Variants in PLXNA4 observed in about 807,000 individuals in gnomAD.
PLXNA4 encodes plexin-A4.
A neutral mutation model predicts 191.8 loss-of-function variants in PLXNA4; 44 were observed. The ratio of observed to expected loss-of-function variants is 0.23; its 90% confidence interval spans 0.18 to 0.29. The LOEUF is 0.29. Among genes scored for constraint, PLXNA4 ranks in the 10% least tolerant of loss-of-function variants. The probability of loss-of-function intolerance (pLI) is 1.00; values close to 1 mark genes in which losing one functional copy is unlikely to be tolerated. For synonymous variants in PLXNA4, 1,082 were observed against 1,009.5 expected (o/e 1.07, Z -1.36); for missense variants, 1,800 against 2,488.8 (o/e 0.72, Z 5.89).
At chr7:132,275,678 C>A (rs942840577) in intron 4 of PLXNA4, among the ~76,000 whole-genome samples, 1 of 152,114 alleles carries the variant, frequency 6.6e-6, no homozygotes. Flanking sequence ...TGCATGCCTC[C>A]CTGATTGCTG....
At chr7:132,521,326 C>T (rs996429978) in intron 1 of PLXNA4, among the ~76,000 whole-genome samples, 1 of 151,948 alleles carries the variant, frequency 6.6e-6, no homozygotes, top group African/African-American at 2.4e-5. Flanking sequence ...CATGACAACA[C>T]TAAATTTAAG....
intron 4 of PLXNA4, among the ~76,000 whole-genome samples, chr7:132,258,804 G>A (rs977682119): frequency 2.6e-5 from 4 of 152,210 alleles, no homozygotes; most frequent in African/African-American, 9.6e-5. Flanking sequence ...GAATCCCAGA[G>A]TTGGGTAAAA....
intron 4 of PLXNA4, among the ~76,000 whole-genome samples, chr7:132,294,138 C>G (rs1437398254): frequency 6.6e-6 from 1 of 152,038 alleles, no homozygotes; most frequent in Non-Finnish European, 1.5e-5. Flanking sequence ...AAAATAGAGC[C>G]AGGAGAGGAG....
At position 132,168,348 on chromosome 7, in the gene PLXNA4, G is replaced by A. The variant is rs758085427; in HGVS notation, c.4242C>T (p.Asp1414=). The A allele has an allele frequency of 6.2e-7, 1 of 1,601,370 alleles. No individual in the cohort carries two copies. The highest frequency in any genetic ancestry group is 1.3e-5 in the African/African-American group (1 of 74,766). ...GGTGGTTCTTGCTCTCCAGGTTCTTGTCAATGAGGTCGGCCAGCAGCTGCT... is the reference window on the plus strand; with the variant it reads ...GGTGGTTCTTGCTCTCCAGGTTCTTATCAATGAGGTCGGCCAGCAGCTGCT... ...VLKQLLADLI[D]KNLESKNHPK... Residue 1414 remains aspartate (D), a synonymous_variant, in exon 22 of 32, where the codon GAC becomes GAT. Transcript: ENST00000321063.
intron 2 of PLXNA4, among the ~76,000 whole-genome samples, chr7:132,492,698 A>G (rs1320777122): frequency 6.6e-6 from 1 of 152,064 alleles, no homozygotes; most frequent in African/African-American, 2.4e-5. Context: ...TGGAAAAATC[A>G]CAGGACTTGG....
chr7:132,351,330 T>C (rs1803474842), intron 3 of PLXNA4, among the ~76,000 whole-genome samples: 1 of 152,268 alleles, frequency 6.6e-6, no homozygotes, highest in East Asian at 1.9e-4. Flanking sequence ...TAAAGCTGTT[T>C]TTTAAGAGTA....
Position 132,384,468 on chromosome 7 carries a change from T to C in PLXNA4, c.1372-86246A>G, listed in dbSNP as rs1345942706. The C allele has an allele frequency of 4.1e-6, 4 of 985,688 alleles. No homozygotes were observed. The African/African-American group carries it at 7.0e-5, about 17-fold the overall frequency. The allele number at this position is 985,688 out of a possible 1,614,324, so 61.1% of individuals were successfully genotyped here. ...ATGGAATTGTGCTGGATAGTGGCCA[T>C]GCAGGAGACACTGCTCACGCTTTGT... On this transcript the variant is annotated intron_variant, in intron 3 of 31. Transcript: ENST00000321063.
intron 21 of PLXNA4, among the ~76,000 whole-genome samples, chr7:132,174,416 C>T (rs1796389131): frequency 6.6e-6 from 1 of 152,188 alleles, no homozygotes; most frequent in African/African-American, 2.4e-5. Flanking sequence ...AGTCAAATCC[C>T]CTACTTCATG....
intron 3 of PLXNA4, among the ~76,000 whole-genome samples, chr7:132,474,268 C>G (rs1238116988): frequency 7.0e-6 from 1 of 142,030 alleles, no homozygotes; most frequent in Non-Finnish European, 1.5e-5. Flanking sequence ...ATGCACACAC[C>G]AGCTGCAGCA....
At chr7:132,375,856 T>A (rs180764966) in intron 3 of PLXNA4, among the ~76,000 whole-genome samples, 1 of 152,222 alleles carries the variant, frequency 6.6e-6, no homozygotes, top group East Asian at 1.9e-4. Context: ...CATGAAGAAC[T>A]AAGTGAGGGA....
chr7:132,302,326 G>C (rs1801338317), intron 3 of PLXNA4, among the ~76,000 whole-genome samples: 1 of 152,136 alleles, frequency 6.6e-6, no homozygotes, highest in Non-Finnish European at 1.5e-5. Context: ...CTCTGCAGGG[G>C]CTGACAGTTG....
intron 2 of PLXNA4, among the ~76,000 whole-genome samples, chr7:132,618,025 C>A (rs926827217): frequency 6.6e-6 from 1 of 152,168 alleles, no homozygotes; most frequent in African/African-American, 2.4e-5. Flanking sequence ...AGCAGGAAGG[C>A]AGACCCTTCA....
chr7:132,575,282 GAA>G (rs1262505871), intron 1 of PLXNA4, among the ~76,000 whole-genome samples: 45 of 152,180 alleles, frequency 3.0e-4, no homozygotes, highest in Non-Finnish European at 3.4e-4. Flanking sequence ...GAGAGAACAA[GAA>G]TGAAAATGCT....
intron 4 of PLXNA4, among the ~76,000 whole-genome samples, chr7:132,268,177 G>A (rs957221174): frequency 6.6e-6 from 1 of 152,192 alleles, no homozygotes; most frequent in Non-Finnish European, 1.5e-5. Context: ...ATGGTTTGCA[G>A]GGCCTTGAGA....
chr7:132,430,943 C>T (rs1017541931), intron 3 of PLXNA4, among the ~76,000 whole-genome samples: 4 of 152,070 alleles, frequency 2.6e-5, no homozygotes, highest in Admixed American at 1.3e-4. Context: ...TGTGGGCCAG[C>T]GGGAGGAGGT....
chr7:132,203,329 T>A lies in PLXNA4; in HGVS notation c.2389A>T (p.Asn797Tyr). The A allele has an allele frequency of 1.2e-6, 2 of 1,613,794 alleles. No homozygotes were observed. The highest frequency in any genetic ancestry group is 8.5e-7 in the Non-Finnish European group (1 of 1,179,722). Residue 797 changes from asparagine to tyrosine, a missense_variant, in exon 11 of 32, where the codon AAT becomes TAT. Asn to Tyr is a moderately radical substitution (Grantham distance 143). This residue lies in a region of PLXNA4 where 1,397 missense variants were observed against 1,880.4 expected (regional missense o/e 0.74). Coordinates refer to ENST00000321063, the MANE Select transcript of PLXNA4 (RefSeq NM_020911.2). Reference sequence around the variant, plus strand: ...GGCCCCAGCCCTTCCACACCTTTATTCTGAGCTGGGTTGTCAATGTTGAAG... The same window carrying A: ...GGCCCCAGCCCTTCCACACCTTTATACTGAGCTGGGTTGTCAATGTTGAAG... Reference protein sequence around the residue: ...GHFNIDNPAQNKVHLYKCGAM... With the variant: ...GHFNIDNPAQYKVHLYKCGAM...
At chr7:132,289,223 C>T (rs1800794026) in intron 4 of PLXNA4, among the ~76,000 whole-genome samples, 1 of 152,236 alleles carries the variant, frequency 6.6e-6, no homozygotes, top group African/African-American at 2.4e-5. Flanking sequence ...GACAGGACAA[C>T]ATGGACAGGC....
chr7:132,339,104 C>T (rs11980662), intron 3 of PLXNA4, among the ~76,000 whole-genome samples: 83 of 152,340 alleles, frequency 5.4e-4, no homozygotes, highest in African/African-American at 1.6e-3. Context: ...AAGGTCTCTT[C>T]TGGCTCAAGT....
intron 1 of PLXNA4, among the ~76,000 whole-genome samples, chr7:132,535,892 T>C (rs1419820133): frequency 6.6e-6 from 1 of 152,152 alleles, no homozygotes; most frequent in Non-Finnish European, 1.5e-5. Flanking sequence ...CCCTACAAGG[T>C]AGGTCTTATT....
Sources: gnomAD v4.1 joint callset for allele counts (sites outside exome capture counted in the v4.1 genomes callset) on GRCh38, gnomAD v4.1.1 for gene constraint, gnomAD v4.1.1 regional missense constraint, MANE v1.5 for transcripts, NCBI Gene and HGNC (gene_info 2026-07-23, HGNC 2026-07-21) for gene names.